MMRN1: variants seen among roughly 807,000 people sequenced by gnomAD.
MMRN1 encodes multimerin 1, also known as multimerin-1.
A neutral mutation model predicts 100.7 loss-of-function variants in MMRN1; 94 were observed. The observed-to-expected ratio is 0.93, with a 90% CI of 0.79 to 1.11. The LOEUF (loss-of-function observed/expected upper bound fraction) is 1.11. Among genes scored for constraint, MMRN1 ranks in the 50% least tolerant of loss-of-function variants. MMRN1 has a pLI of 0.00. For missense variants in MMRN1, 1,606 were observed against 1,439.1 expected (o/e 1.12, Z -1.88); for synonymous variants, 575 against 505.0 (o/e 1.14, Z -1.86).
chr4:89,895,241 A>G lies in MMRN1; in HGVS notation c.270A>G (p.Ala90=). The change falls in exon 1 of 8, where the codon GCA becomes GCG. Residue 90 remains alanine (A), a synonymous_variant. Transcript: ENST00000264790. The part of the protein sequence containing the change: ...KSTLPPSETS[A]PAEGVRNQTL... ...CACTGCCTCCCTCAGAAACAAGTGC[A>G]CCTGCTGAGGGTGTGAGAAATCAAA... The G allele has an allele frequency of 6.2e-7, 1 of 1,613,882 alleles. No homozygotes were observed. The highest frequency in any genetic ancestry group is 8.5e-7 in the Non-Finnish European group (1 of 1,179,918).
chr4:89,895,421 T>G lies in MMRN1; in HGVS notation c.450T>G (p.Asn150Lys), dbSNP rs768007982. The G allele has an allele frequency of 2.2e-5, 35 of 1,613,888 alleles. No homozygotes were observed. The highest frequency in any genetic ancestry group is 3.0e-5 in the Non-Finnish European group (35 of 1,179,924). ...TTCAGAGCTTTGCCAGAAAGTCAAA[T>G]GAACAAGCAACTTCTCTAAACACAG... ...KFLQSFARKS[N>K]EQATSLNTVG... Residue 150 changes from asparagine (N) to lysine (K), a missense_variant, in exon 1 of 8, where the codon AAT becomes AAG. Transcript: ENST00000264790.
intron 1 of MMRN1, among the ~76,000 whole-genome samples, chr4:89,883,317 A>G (rs1291950539): frequency 6.6e-6 from 1 of 152,058 alleles, no homozygotes; most frequent in African/African-American, 2.4e-5. Context: ...TTGCTGCACA[A>G]TTCTCCAAAG....
In MMRN1 at chr4:89,909,389, C is replaced by T. The variant is rs1202800517; in HGVS notation, c.737C>T (p.Pro246Leu). 3 of 1,608,750 alleles carry T rather than the reference C, an allele frequency of 1.9e-6. No individual in the cohort carries two copies. The highest frequency in any genetic ancestry group is 2.5e-6 in the Non-Finnish European group (3 of 1,177,124). Residue 246 changes from proline to leucine, a missense_variant, in exon 2 of 8, where the codon CCT becomes CTT. Physicochemically the swap from Pro to Leu is moderately conservative, Grantham distance 98. Coordinates refer to ENST00000264790, the MANE Select transcript of MMRN1 (RefSeq NM_007351.3). ...TGTGGCTGGACCGGTGGATCCTGTC[C>T]TCAGAGGTATGTAATATTTCTTGAA... ...GPCGWTGGSC[P>L]QRSQKISNPV...
chr4:89,934,173 T>A (rs1021086258), intron 5 of MMRN1, among the ~76,000 whole-genome samples: 1 of 152,142 alleles, frequency 6.6e-6, no homozygotes, highest in Non-Finnish European at 1.5e-5. Flanking sequence ...TATAATAATA[T>A]GTCAGGTGTA....
chr4:89,913,331 G>A (rs566689700), intron 3 of MMRN1, among the ~76,000 whole-genome samples: 1 of 151,382 alleles, frequency 6.6e-6, no homozygotes, highest in South Asian at 2.1e-4. Flanking sequence ...TGTTTGCAGA[G>A]CACATTTCTA....
Position 89,923,241 on chromosome 4 carries a change from G to A in MMRN1, c.924G>A (p.Glu308=). The A allele has an allele frequency of 6.2e-7, 1 of 1,612,294 alleles. No individual in the cohort carries two copies. Among genetic ancestry groups the A allele is most frequent in the Admixed American group, 1.7e-5 (1 of 59,924 alleles). Residue 308 remains glutamate, a synonymous_variant, in exon 4 of 8, where the codon GAG becomes GAA. Transcript: ENST00000264790. ...CAGCTGTTGGCAGAGGAGTAGCTGA[G>A]CAGCAGCAGCAGCAAGGCTGTGGTG... ...SHTAVGRGVA[E]QQQQQGCGDP...
chr4:89,924,624 C>A (rs2110616732), intron 4 of MMRN1, among the ~76,000 whole-genome samples: 1 of 151,802 alleles, frequency 6.6e-6, no homozygotes, highest in East Asian at 1.9e-4. Context: ...GCGGGTGGAT[C>A]ATGAGGTGAG....
chr4:89,947,767 G>A (rs1215605752), intron 6 of MMRN1, among the ~76,000 whole-genome samples: 2 of 152,086 alleles, frequency 1.3e-5, no homozygotes, highest in East Asian at 3.9e-4. Flanking sequence ...AATATGAGCA[G>A]GTACTTATAA....
At position 89,935,115 on chromosome 4, in the gene MMRN1, A is replaced by G; in HGVS notation, c.1435A>G (p.Lys479Glu). ...EMTLTCEKPI[K>E]ELEVKQTHLE... Reference sequence around the variant, plus strand: ...GACTCTTACATGTGAGAAGCCTATTAAAGAACTAGAAGTAAAGCAGACTCA... The same window carrying G: ...GACTCTTACATGTGAGAAGCCTATTGAAGAACTAGAAGTAAAGCAGACTCA... Residue 479 changes from lysine to glutamate, a missense_variant, in exon 6 of 8, where the codon AAA (lysine) becomes GAA (glutamate). By Grantham distance (56) the Lys-to-Glu change is moderately conservative. Transcript: ENST00000264790. The G allele has an allele frequency of 1.2e-6, 2 of 1,613,738 alleles. No homozygotes were observed.
chr4:89,899,128 G>A (rs147715295), intron 1 of MMRN1, among the ~76,000 whole-genome samples: 106 of 151,534 alleles, frequency 7.0e-4, no homozygotes, highest in African/African-American at 2.4e-3. Context: ...AGTAAAAGGC[G>A]TATTTATGTT....
upstream of MMRN1, among the ~76,000 whole-genome samples, chr4:89,892,095 C>G (rs1428707897): frequency 2.0e-5 from 3 of 151,470 alleles, no homozygotes; most frequent in African/African-American, 7.3e-5. Context: ...AAGAACCAAA[C>G]CCATTATCTC....
intron 6 of MMRN1, among the ~76,000 whole-genome samples, chr4:89,947,272 A>C (rs1257607157): frequency 2.6e-5 from 4 of 152,100 alleles, no homozygotes; most frequent in African/African-American, 9.7e-5. Flanking sequence ...ACAGAGCGAG[A>C]CTCCATCTCA....
In MMRN1 at chr4:89,935,549, A is replaced by T. The variant is rs1320054702; in HGVS notation, c.1869A>T (p.Glu623Asp). The T allele has an allele frequency of 6.2e-7, 1 of 1,613,296 alleles. No individual in the cohort carries two copies. Among genetic ancestry groups the T allele is most frequent in the South Asian group, 1.1e-5 (1 of 90,888 alleles). Reference sequence around the variant, plus strand: ...ATGTGTTAAATCAAACATTGGCTGAAGTTCTCTTTCCAATGGACAATAAGA... The same window carrying T: ...ATGTGTTAAATCAAACATTGGCTGATGTTCTCTTTCCAATGGACAATAAGA... ...NLHVLNQTLA[E>D]VLFPMDNKMD... Residue 623 changes from glutamate to aspartate, a missense_variant, in exon 6 of 8, where the codon GAA (glutamate) becomes GAT (aspartate). Coordinates refer to ENST00000264790, the MANE Select transcript of MMRN1 (RefSeq NM_007351.3).
rs761960307 is a variant in MMRN1 at position 89,953,518 on chromosome 4, A to G, written c.*100A>G. The G allele has an allele frequency of 2.6e-5, 27 of 1,039,886 alleles. No homozygotes were observed. Among genetic ancestry groups the G allele is most frequent in the Non-Finnish European group, 3.6e-5 (27 of 748,874 alleles). 64.4% of individuals were successfully genotyped at this position (1,039,886 alleles called of 1,614,324 possible). A position where few individuals can be genotyped will look rare whatever the true frequency, so the allele number is the denominator to read the frequency against. On this transcript the variant is annotated 3_prime_UTR_variant, in exon 8 of 8. Transcript: ENST00000264790. ...GCTCTGTTTTGGTTTTTCTACAGGA[A>G]ATGAAAATCAACTTGTTTTTTTAAT...
intron 1 of MMRN1, among the ~76,000 whole-genome samples, chr4:89,904,811 T>C (rs1721511041): frequency 1.3e-5 from 2 of 151,724 alleles, no homozygotes; most frequent in South Asian, 4.1e-4. Context: ...CTAAAATCTG[T>C]TCTATTTTTA....
At chr4:89,908,084 C>T (rs905601232) in intron 1 of MMRN1, among the ~76,000 whole-genome samples, 6 of 151,226 alleles carry the variant, frequency 4.0e-5, no homozygotes, top group African/African-American at 1.5e-4. Context: ...TTTTAACCAT[C>T]CTAGTATCCC....
At chr4:89,887,443 A>G (rs1720963056) in intron 1 of MMRN1, among the ~76,000 whole-genome samples, 1 of 152,078 alleles carries the variant, frequency 6.6e-6, no homozygotes, top group Admixed American at 6.6e-5. Flanking sequence ...GCTGGCATGA[A>G]AGCAGACCCA....
At chr4:89,883,335 A>T (rs1337937262) in intron 1 of MMRN1, among the ~76,000 whole-genome samples, 1 of 152,090 alleles carries the variant, frequency 6.6e-6, no homozygotes, top group Non-Finnish European at 1.5e-5. Flanking sequence ...AAGTGGTGGT[A>T]CCATTTTATT....
intron 6 of MMRN1, among the ~76,000 whole-genome samples, chr4:89,949,395 C>G (rs1723088897): frequency 6.6e-6 from 1 of 152,166 alleles, no homozygotes; most frequent in Admixed American, 6.5e-5. Flanking sequence ...ATTGAAACTT[C>G]TCCTGTGAGT....
Sources: gnomAD v4.1 joint callset for allele counts (sites outside exome capture counted in the v4.1 genomes callset) on GRCh38, gnomAD v4.1.1 for gene constraint, MANE v1.5 for transcripts, NCBI Gene and HGNC (gene_info 2026-07-23, HGNC 2026-07-21) for gene names.